The following ANKZF1 variants were observed in gnomAD, a reference collection of about 807,000 sequenced individuals.
ANKZF1 encodes the protein ankyrin repeat and zinc finger peptidyl tRNA hydrolase 1, also known as tRNA endonuclease ANKZF1.
ANKZF1 carries 84 observed loss-of-function variants against 86.0 expected under a neutral mutation model. The ratio of observed to expected loss-of-function variants is 0.98; its 90% CI spans 0.82 to 1.17. The LOEUF (loss-of-function observed/expected upper bound fraction) is 1.17. Ranked by LOEUF, ANKZF1 falls within the 50% of genes most tolerant of loss-of-function variation. The probability of loss-of-function intolerance (pLI) is 0.00; values close to 1 mark genes in which losing one functional copy is unlikely to be tolerated. For missense variants in ANKZF1, 893 were observed against 918.4 expected (o/e 0.97, Z 0.36); for synonymous variants, 331 against 354.2 (o/e 0.93, Z 0.74).
At position 219,235,795 on chromosome 2, in the gene ANKZF1, C is replaced by T; in HGVS notation, c.1891C>T (p.Gln631Ter). 2 of 1,614,218 alleles carry T rather than the reference C, an allele frequency of 1.2e-6. No homozygotes were observed. The highest frequency in any genetic ancestry group is 1.7e-6 in the Non-Finnish European group (2 of 1,180,048). ...QKAARRQREE[Q>*]QQRQQEQEER... ...GGCAGCCCGGCGGCAACGGGAGGAA[C>T]AGCAGCAGAGGCAGCAGGAGCAGGA... is the stretch of plus-strand genomic sequence containing the variant. The change falls in exon 12 of 14, where the codon CAG (glutamine) becomes TAG (stop). Residue 631 changes from glutamine (Q) to a stop codon, truncating the protein, a stop_gained. Transcript: ENST00000323348. LOFTEE classifies it high-confidence loss of function.
In ANKZF1 at chr2:219,234,907, A is replaced by G. The variant is rs1486770424; in HGVS notation, c.1286A>G (p.Glu429Gly). The G allele has an allele frequency of 6.2e-7, 1 of 1,614,140 alleles. No individual in the cohort carries two copies. Among genetic ancestry groups the G allele is most frequent in the Admixed American group, 1.7e-5 (1 of 60,020 alleles). Residue 429 changes from glutamate (E) to glycine (G), a missense_variant, in exon 10 of 14, where the codon GAG becomes GGG. Glu to Gly is a moderately conservative substitution (Grantham distance 98). Coordinates refer to ENST00000323348, the MANE Select transcript of ANKZF1 (RefSeq NM_018089.3). ...ELTVGTLDLC[E>G]SEVLPKRRRR... ...ACTGTGGGGACTCTGGATCTTTGTG[A>G]GTCTGAAGTATTGCCCAAGCGGAGG...
rs1951245771 is a variant in ANKZF1 at position 219,236,588 on chromosome 2, G to A, written c.*143G>A. 9.8e-6 allele frequency: 11 copies of A among 1,119,700 alleles called. No homozygotes were observed. The South Asian group carries it at 1.6e-4, about 16-fold the overall frequency. The allele number at this position is 1,119,700 out of a possible 1,614,324, so 69.4% of individuals were successfully genotyped here. On this transcript the variant is annotated 3_prime_UTR_variant, in exon 14 of 14. Transcript: ENST00000323348. The stretch of plus-strand genomic sequence containing the variant: ...ACTCGGGAACTAGGGCAAAGACAGG[G>A]CTAGAGGTATGTGGAGCTGGTACTG...
intron 2 of ANKZF1, 79 bp from the exon 3 acceptor site, chr2:219,231,849 A>G (rs781332753): frequency 8.5e-7 from 1 of 1,178,600 alleles, no homozygotes. Context: ...TCTGCTTTGT[A>G]TATCACACTC....
intron 9 of ANKZF1, 139 bp downstream of exon 9, chr2:219,234,427 T>C: frequency 1.8e-6 from 2 of 1,092,524 alleles, no homozygotes; most frequent in Non-Finnish European, 2.8e-6. Flanking sequence ...TACTGAGACA[T>C]GTTTAGTGAC....
chr2:219,232,994 A>C (rs1384642212), intron 5 of ANKZF1, 85 bp from the exon 6 acceptor site: 1 of 1,260,500 alleles, frequency 7.9e-7, no homozygotes, highest in Non-Finnish European at 1.2e-6. Context: ...ATATTAAATG[A>C]GATAATGTTT....
Position 219,235,289 on chromosome 2 carries a change from A to AGCC in ANKZF1, c.1670_1671insCGC (p.Ala557dup). ...GCTCAGTGGTTCGTCTGCTGCTGGAAGCAGGTGCTGACCCCACTGTGCAGT... is the reference window on the plus strand; with the variant it reads ...GCTCAGTGGTTCGTCTGCTGCTGGAAGCCGCAGGTGCTGACCCCACTGTGCAGT... On this transcript the variant is annotated inframe_insertion, in exon 10 of 14. Transcript: ENST00000323348. The AGCC allele has an allele frequency of 6.2e-7, 1 of 1,611,412 alleles. No homozygotes were observed.
Position 219,235,216 on chromosome 2 carries a change from G to A in ANKZF1, c.1595G>A (p.Gly532Asp). Residue 532 changes from glycine to aspartate, a missense_variant, in exon 10 of 14, where the codon GGC (glycine) becomes GAC (aspartate). Physicochemically the swap from Gly to Asp is moderately conservative, Grantham distance 94. Coordinates refer to ENST00000323348, the MANE Select transcript of ANKZF1 (RefSeq NM_018089.3). ...RVLSLLSAPL[G>D]SGGFTLLHAA... Reference sequence around the variant, plus strand: ...CTGTCTCTGCTCAGTGCCCCCTTGGGCTCCGGTGGCTTTACTCTCCTGCAT... The same window carrying A: ...CTGTCTCTGCTCAGTGCCCCCTTGGACTCCGGTGGCTTTACTCTCCTGCAT... 1 of 1,613,794 alleles carries A rather than the reference G, an allele frequency of 6.2e-7. No homozygotes were observed. The highest frequency in any genetic ancestry group is 8.5e-7 in the Non-Finnish European group (1 of 1,180,042).
chr2:219,234,968 C>T lies in ANKZF1; in HGVS notation c.1347C>T (p.Asp449=). The T allele has an allele frequency of 1.2e-6, 2 of 1,614,226 alleles. No individual in the cohort carries two copies. The highest frequency in any genetic ancestry group is 1.7e-6 in the Non-Finnish European group (2 of 1,180,048). The part of the protein sequence containing the change: ...RKRNKKEKSR[D]QEAGAHRTLL... Reference sequence around the variant, plus strand: ...GGAATAAGAAGGAGAAAAGCCGAGACCAGGAGGCTGGGGCACATCGGACTC... The same window carrying T: ...GGAATAAGAAGGAGAAAAGCCGAGATCAGGAGGCTGGGGCACATCGGACTC... Residue 449 remains aspartate (D), a synonymous_variant, in exon 10 of 14, where the codon GAC becomes GAT. Transcript: ENST00000323348.
intron 13 of ANKZF1, 60 bp downstream of exon 13, chr2:219,236,155 A>C (rs1574857430): frequency 6.2e-7 from 1 of 1,606,138 alleles, no homozygotes; most frequent in East Asian, 2.2e-5. Context: ...CATTGGGGGC[A>C]AGAGAAATGA....
chr2:219,234,080 T>C, intron 8 of ANKZF1, 53 bp from the exon 9 acceptor site: 1 of 1,581,114 alleles, frequency 6.3e-7, no homozygotes, highest in Non-Finnish European at 8.6e-7. Flanking sequence ...GAGAGAAACC[T>C]GCGCTAGCTT....
chr2:219,230,192 G>T, intron 1 of ANKZF1, 36 bp from the exon 2 acceptor site: 1 of 1,564,836 alleles, frequency 6.4e-7, no homozygotes. Flanking sequence ...GATCTCGTTT[G>T]CAGGAGCCCT....
At chr2:219,234,028 G>T in intron 8 of ANKZF1, 85 bp downstream of exon 8, 1 of 1,533,954 alleles carries the variant, frequency 6.5e-7, no homozygotes, top group African/African-American at 1.4e-5. Context: ...ATATCCAGAG[G>T]ATTTTCTAAG....
Position 219,234,287 on chromosome 2 carries a change from G to C in ANKZF1, c.1203G>C (p.Gln401His), listed in dbSNP as rs1951138478. ...ALGQNEESPK[Q>H]GSGSEGEDGF... is the part of the protein sequence containing the mutation. ...GGCAGAATGAGGAATCTCCCAAACA[G>C]GGTTTGATTACTATCTGGCAACTGT... Residue 401 changes from glutamine to histidine, a missense_variant and splice_region_variant, in exon 9 of 14, where the codon CAG becomes CAC. Coordinates refer to ENST00000323348, the MANE Select transcript of ANKZF1 (RefSeq NM_018089.3). The C allele has an allele frequency of 6.2e-7, 1 of 1,613,716 alleles. No individual in the cohort carries two copies. The highest frequency in any genetic ancestry group is 2.2e-5 in the East Asian group (1 of 44,900).
Position 219,233,387 on chromosome 2 carries a change from C to T in ANKZF1, c.773C>T (p.Ser258Phe). The T allele has an allele frequency of 6.2e-7, 1 of 1,614,186 alleles. No homozygotes were observed. Among genetic ancestry groups the T allele is most frequent in the Non-Finnish European group, 8.5e-7 (1 of 1,180,004 alleles). ...GATGCCCGAGGTGGGCCATCACACTCTGCTGGAGCCAACCTGAGGCGCTAC... is the reference window on the plus strand; with the variant it reads ...GATGCCCGAGGTGGGCCATCACACTTTGCTGGAGCCAACCTGAGGCGCTAC... ...LRDARGGPSH[S>F]AGANLRRYNE... The change falls in exon 7 of 14, where the codon TCT (serine) becomes TTT (phenylalanine). Residue 258 changes from serine (S) to phenylalanine (F), a missense_variant. By Grantham distance (155) the Ser-to-Phe change is radical. Coordinates refer to ENST00000323348, the MANE Select transcript of ANKZF1 (RefSeq NM_018089.3).
intron 9 of ANKZF1, 148 bp from the exon 10 acceptor site, chr2:219,234,678 G>C: frequency 9.4e-7 from 1 of 1,059,966 alleles, no homozygotes; most frequent in Non-Finnish European, 1.4e-6. Context: ...ATTTCTGCAT[G>C]TGATATAATG....
At position 219,235,816 on chromosome 2, in the gene ANKZF1, CAGG is replaced by C. The variant is rs764818892; in HGVS notation, c.1918_1920del (p.Glu640del). The stretch of plus-strand genomic sequence containing the variant: ...GGAACAGCAGCAGAGGCAGCAGGAG[CAGG>C]AGGAGCGTGAACGAGAAGAGCAGCG... On this transcript the variant is annotated inframe_deletion, in exon 12 of 14. Transcript: ENST00000323348. The C allele has an allele frequency of 7.4e-6, 12 of 1,613,578 alleles. No individual in the cohort carries two copies. The Admixed American group carries it at 1.0e-4, about 13-fold the overall frequency.
intron 2 of ANKZF1, chr2:219,231,621 CCTGA>C (rs1311705603): frequency 3.4e-6 from 1 of 294,036 alleles, no homozygotes; most frequent in East Asian, 9.8e-5. Flanking sequence ...GTCTTGATCT[CCTGA>C]CTTCATGATC....
At chr2:219,232,085 A>G (rs773513951) in intron 3 of ANKZF1, 45 bp downstream of exon 3, 2 of 1,524,470 alleles carry the variant, frequency 1.3e-6, no homozygotes, top group Non-Finnish European at 1.8e-6. Flanking sequence ...CAAAAGTGTA[A>G]TGGTGGGTGG....
chr2:219,235,013 A>G lies in ANKZF1; in HGVS notation c.1392A>G (p.Glu464=), dbSNP rs1329285093. ...GGACTCTTCTCCAGCAAACTCAAGAAGAGGAGCCTTCCACACAGTCATCCC... is the reference window on the plus strand; with the variant it reads ...GGACTCTTCTCCAGCAAACTCAAGAGGAGGAGCCTTCCACACAGTCATCCC... ...AHRTLLQQTQ[E]EEPSTQSSQA... Residue 464 remains glutamate (E), a synonymous_variant, in exon 10 of 14, where the codon GAA becomes GAG. Coordinates refer to ENST00000323348, the MANE Select transcript of ANKZF1 (RefSeq NM_018089.3). The G allele has an allele frequency of 6.2e-7, 1 of 1,614,274 alleles. No individual in the cohort carries two copies. Among genetic ancestry groups the G allele is most frequent in the Non-Finnish European group, 8.5e-7 (1 of 1,180,054 alleles).
Sources: allele counts gnomAD v4.1 joint callset, GRCh38; gene constraint gnomAD v4.1.1; transcripts MANE v1.5; gene names NCBI Gene and HGNC (gene_info 2026-07-23, HGNC 2026-07-21).